The following LRATD1 variants were observed in gnomAD, a reference collection of about 807,000 sequenced individuals.
LRATD1 encodes the protein protein LRATD1.
In LRATD1, 8 loss-of-function variants were observed where a neutral mutation model predicts 21.3. The observed-to-expected ratio is 0.38, with a 90% CI of 0.22 to 0.68. LRATD1 has a LOEUF of 0.68. Among genes scored for constraint, LRATD1 ranks in the 30% least tolerant of loss-of-function variants. The pLI, the probability that LRATD1 is intolerant of heterozygous loss-of-function variation, is 0.54. For synonymous variants in LRATD1, 210 were observed against 186.2 expected (o/e 1.13, Z -1.04); for missense variants, 380 against 404.0 (o/e 0.94, Z 0.51).
Position 14,635,161 on chromosome 2 carries a change from A to G in LRATD1, c.*303A>G, listed in dbSNP as rs1412161775. 1.5e-6 allele frequency: 1 copy of G among 659,646 alleles called. No homozygotes were observed. Among genetic ancestry groups the G allele is most frequent in the South Asian group, 1.5e-5 (1 of 66,214 alleles). The allele number at this position is 659,646 out of a possible 1,614,324, so 40.9% of individuals were successfully genotyped here. ...TTGAGATGTAAACCGGGAACGGGGA[A>G]GGGGCTGAGGGGAGAAAGGACATGG... On this transcript the variant is annotated 3_prime_UTR_variant, in exon 2 of 2. Coordinates refer to ENST00000295092, the MANE Select transcript of LRATD1 (RefSeq NM_145175.4).
At position 14,634,955 on chromosome 2, in the gene LRATD1, C is replaced by G; in HGVS notation, c.*97C>G. Reference sequence around the variant, plus strand: ...GCAGTCAGCGGTTCTCAACCTCTGCCCCGCCCCGCCACGCGCGTCCGCCGC... The same window carrying G: ...GCAGTCAGCGGTTCTCAACCTCTGCGCCGCCCCGCCACGCGCGTCCGCCGC... On this transcript the variant is annotated 3_prime_UTR_variant, in exon 2 of 2. Coordinates refer to ENST00000295092, the MANE Select transcript of LRATD1 (RefSeq NM_145175.4). The G allele has an allele frequency of 1.4e-6, 2 of 1,422,582 alleles. No homozygotes were observed. The highest frequency in any genetic ancestry group is 1.9e-6 in the Non-Finnish European group (2 of 1,061,032). The allele number at this position is 1,422,582 out of a possible 1,614,324, so 88.1% of individuals were successfully genotyped here.
chr2:14,634,941 T>C lies in LRATD1; in HGVS notation c.*83T>C. 6.8e-7 allele frequency: 1 copy of C among 1,475,488 alleles called. No homozygotes were observed. Among genetic ancestry groups the C allele is most frequent in the Non-Finnish European group, 9.1e-7 (1 of 1,099,064 alleles). 91.4% of individuals were successfully genotyped at this position (1,475,488 alleles called of 1,614,324 possible). ...CGCACCCGGACTTCGCAGTCAGCGG[T>C]TCTCAACCTCTGCCCCGCCCCGCCA... On this transcript the variant is annotated 3_prime_UTR_variant, in exon 2 of 2. Transcript: ENST00000295092.
chr2:14,645,349 A>G (rs1671874511), intron 2 of LRATD1, among the ~76,000 whole-genome samples: 1 of 152,226 alleles, frequency 6.6e-6, no homozygotes, highest in Non-Finnish European at 1.5e-5. Context: ...AAGTTTGCCA[A>G]AATATCCAGG....
Position 14,636,034 on chromosome 2 carries a change from T to C in LRATD1, c.*1176T>C. On this transcript the variant is annotated 3_prime_UTR_variant, in exon 2 of 2. Transcript: ENST00000295092. ...TAATAAAATTTCAAATTGAAATTTTTATTTTCATGGCTTTAATCCATGATA... is the reference window on the plus strand; with the variant it reads ...TAATAAAATTTCAAATTGAAATTTTCATTTTCATGGCTTTAATCCATGATA... 4.5e-6 allele frequency: 1 copy of C among 220,684 alleles called. No homozygotes were observed. The highest frequency in any genetic ancestry group is 1.0e-5 in the Non-Finnish European group (1 of 99,142). 13.7% of individuals were successfully genotyped at this position (220,684 alleles called of 1,614,324 possible).
In LRATD1 at chr2:14,633,683, G is replaced by A; in HGVS notation, c.-36-261G>A. ...CCCGCAAGCTCTCCAGCCAGCCTGG[G>A]TGTTTTCTTCTGGGAGTTGGACCGA... On this transcript the variant is annotated intron_variant, in intron 1 of 1. Coordinates refer to ENST00000295092, the MANE Select transcript of LRATD1 (RefSeq NM_145175.4). The surrounding 1 kb of genome is among the most constrained non-coding windows in gnomAD (Gnocchi z 7.5). The A allele has an allele frequency of 2.5e-6, 1 of 399,404 alleles. No homozygotes were observed. The highest frequency in any genetic ancestry group is 4.5e-6 in the Non-Finnish European group (1 of 220,642). The allele number at this position is 399,404 out of a possible 1,614,324, so 24.7% of individuals were successfully genotyped here. A position where few individuals can be genotyped will look rare whatever the true frequency, so the allele number is the denominator to read the frequency against.
chr2:14,638,213 CAAAAAAAAAA>C lies in LRATD1; in HGVS notation c.*3367_*3376del, dbSNP rs879025258. On this transcript the variant is annotated 3_prime_UTR_variant, in exon 2 of 2. Transcript: ENST00000295092. ...ATGCTGTTATTCTCAAAGTACATTC[CAAAAAAAAAA>C]AAAAAAAAAAACTATAGAATTTACG... 5.9e-5 allele frequency: 5 copies of C among 84,998 alleles called. No individual in the cohort carries two copies. The highest frequency in any genetic ancestry group is 1.4e-4 in the Admixed American group (1 of 7,358). The allele number at this position is 84,998 out of a possible 1,614,324, so 5.3% of individuals were successfully genotyped here.
rs987930913 is a variant in LRATD1, at chr2:14,633,020, G to C, written c.-37+83G>C. The C allele has an allele frequency of 6.6e-6, 1 of 152,346 alleles. No homozygotes were observed. Among genetic ancestry groups the C allele is most frequent in the Non-Finnish European group, 1.5e-5 (1 of 68,208 alleles). 9.4% of individuals were successfully genotyped at this position (152,346 alleles called of 1,614,324 possible). Reference sequence around the variant, plus strand: ...GATCCTGTGCTGGGTAGGAGGGAGAGGGGTCTTTGGGCTAAAAGTGAACCT... The same window carrying C: ...GATCCTGTGCTGGGTAGGAGGGAGACGGGTCTTTGGGCTAAAAGTGAACCT... On this transcript the variant is annotated intron_variant, in intron 1 of 1. Coordinates refer to ENST00000295092, the MANE Select transcript of LRATD1 (RefSeq NM_145175.4). The surrounding 1 kb of genome is among the most constrained non-coding windows in gnomAD (Gnocchi z 7.5).
intron 2 of LRATD1, among the ~76,000 whole-genome samples, chr2:14,645,329 A>G (rs897336407): frequency 2.6e-5 from 4 of 152,214 alleles, no homozygotes; most frequent in African/African-American, 9.6e-5. Context: ...GATTATATAC[A>G]AAGATTGATA....
downstream of LRATD1, among the ~76,000 whole-genome samples, chr2:14,644,099 G>GC (rs1238825431): frequency 8.0e-6 from 1 of 125,634 alleles, no homozygotes; most frequent in African/African-American, 3.7e-5. Context: ...ATAAAGGCAA[G>GC]CATTTTTTTT....
chr2:14,645,624 G>C (rs1671880242), intron 2 of LRATD1, among the ~76,000 whole-genome samples: 1 of 152,096 alleles, frequency 6.6e-6, no homozygotes, highest in South Asian at 2.1e-4. Context: ...TTTAATAAGG[G>C]CTGCTTAGAG....
chr2:14,636,831 T>C lies in LRATD1; in HGVS notation c.*1973T>C, dbSNP rs1034772940. 1 of 167,156 alleles carries C rather than the reference T, an allele frequency of 6.0e-6. No individual in the cohort carries two copies. Among genetic ancestry groups the C allele is most frequent in the Non-Finnish European group, 1.5e-5 (1 of 68,124 alleles). The allele number at this position is 167,156 out of a possible 1,614,324, so 10.4% of individuals were successfully genotyped here. A position where few individuals can be genotyped will look rare whatever the true frequency, so the allele number is the denominator to read the frequency against. Reference sequence around the variant, plus strand: ...CTGGAAATGCCTTTTTCATGGTAAATGATTCACTTCTATATTTTTCTTTCT... The same window carrying C: ...CTGGAAATGCCTTTTTCATGGTAAACGATTCACTTCTATATTTTTCTTTCT... On this transcript the variant is annotated 3_prime_UTR_variant, in exon 2 of 2. Transcript: ENST00000295092.
At position 14,633,977 on chromosome 2, in the gene LRATD1, T is replaced by C. The variant is rs2103405766; in HGVS notation, c.-3T>C. 1 of 1,606,882 alleles carries C rather than the reference T, an allele frequency of 6.2e-7. No homozygotes were observed. The highest frequency in any genetic ancestry group is 1.1e-5 in the South Asian group (1 of 90,872). On this transcript the variant is annotated 5_prime_UTR_variant, in exon 2 of 2. Transcript: ENST00000295092. The surrounding 1 kb of genome is among the most constrained non-coding windows in gnomAD (Gnocchi z 7.5). Reference sequence around the variant, plus strand: ...TCCTGGCCCTCGCCTCGCCACCTCATTGATGGGCAACCAACTGGACCGCAT... The same window carrying C: ...TCCTGGCCCTCGCCTCGCCACCTCACTGATGGGCAACCAACTGGACCGCAT...
In LRATD1 at chr2:14,634,939, G is replaced by T; in HGVS notation, c.*81G>T. 4 of 1,484,534 alleles carry T rather than the reference G, an allele frequency of 2.7e-6. 1 individual carries two copies. Among genetic ancestry groups the T allele is most frequent in the Middle Eastern group, 1.8e-4 (1 of 5,682 alleles). The allele number at this position is 1,484,534 out of a possible 1,614,324, so 92.0% of individuals were successfully genotyped here. A position where few individuals can be genotyped will look rare whatever the true frequency, so the allele number is the denominator to read the frequency against. On this transcript the variant is annotated 3_prime_UTR_variant, in exon 2 of 2. Transcript: ENST00000295092. ...CCCGCACCCGGACTTCGCAGTCAGC[G>T]GTTCTCAACCTCTGCCCCGCCCCGC...
At chr2:14,644,313 C>A (rs1020081885), downstream of LRATD1, among the ~76,000 whole-genome samples, 6 of 152,100 alleles carry the variant, frequency 3.9e-5, no homozygotes, top group Non-Finnish European at 7.4e-5. Flanking sequence ...CATTGACTGG[C>A]ATGGCATATT....
chr2:14,633,924 G>A lies in LRATD1; in HGVS notation c.-36-20G>A, dbSNP rs1429435705. ...CAGCCCGGACTCTGACGGTGTCTCTGCCTCTCTGTGCCTCCGCAGATCCCC... is the reference window on the plus strand; with the variant it reads ...CAGCCCGGACTCTGACGGTGTCTCTACCTCTCTGTGCCTCCGCAGATCCCC... On this transcript the variant is annotated intron_variant, in intron 1 of 1. Coordinates refer to ENST00000295092, the MANE Select transcript of LRATD1 (RefSeq NM_145175.4). This position sits in a 1 kb window ranked among gnomAD's most constrained non-coding sequence, Gnocchi z 7.5. The A allele has an allele frequency of 1.3e-6, 2 of 1,562,564 alleles. No individual in the cohort carries two copies. The highest frequency in any genetic ancestry group is 2.7e-5 in the African/African-American group (2 of 74,194).
At position 14,638,960 on chromosome 2, in the gene LRATD1, A is replaced by C. The variant is rs985291604; in HGVS notation, c.*4102A>C. 1.2e-5 allele frequency: 2 copies of C among 166,914 alleles called. No individual in the cohort carries two copies. Among genetic ancestry groups the C allele is most frequent in the Non-Finnish European group, 2.9e-5 (2 of 68,102 alleles). The allele number at this position is 166,914 out of a possible 1,614,324, so 10.3% of individuals were successfully genotyped here. Reference sequence around the variant, plus strand: ...ATTACTAGCTATTGGTATAATATACATATATGTACATGTATACATATACAT... The same window carrying C: ...ATTACTAGCTATTGGTATAATATACCTATATGTACATGTATACATATACAT... On this transcript the variant is annotated 3_prime_UTR_variant, in exon 2 of 2. Coordinates refer to ENST00000295092, the MANE Select transcript of LRATD1 (RefSeq NM_145175.4).
rs1436022344 is a variant in LRATD1 at position 14,638,219 on chromosome 2, A to G, written c.*3361A>G. On this transcript the variant is annotated 3_prime_UTR_variant, in exon 2 of 2. Transcript: ENST00000295092. ...TTATTCTCAAAGTACATTCCAAAAAAAAAAAAAAAAAAAAACTATAGAATT... is the reference window on the plus strand; with the variant it reads ...TTATTCTCAAAGTACATTCCAAAAAGAAAAAAAAAAAAAAACTATAGAATT... 3.1e-5 allele frequency: 5 copies of G among 163,248 alleles called. No homozygotes were observed. The South Asian group carries it at 1.1e-3, about 35-fold the overall frequency. 10.1% of individuals were successfully genotyped at this position (163,248 alleles called of 1,614,324 possible).
chr2:14,651,819 G>A (rs1052997324), downstream of LRATD1, among the ~76,000 whole-genome samples: 5 of 151,638 alleles, frequency 3.3e-5, no homozygotes, highest in Admixed American at 2.6e-4. Flanking sequence ...AAATCTTGTG[G>A]TTTTGTTTAA....
At chr2:14,647,863 T>C (rs1294495110) in intron 4 of LRATD1, among the ~76,000 whole-genome samples, 2 of 152,154 alleles carry the variant, frequency 1.3e-5, no homozygotes, top group East Asian at 3.9e-4. Context: ...ATTCAATGAC[T>C]GCATCTAAGC....
Sources: gnomAD v4.1 joint callset for allele counts (sites outside exome capture counted in the v4.1 genomes callset) on GRCh38, gnomAD v4.1.1 for gene constraint, Gnocchi (gnomAD v3.1) non-coding constraint, MANE v1.5 for transcripts, NCBI Gene and HGNC (gene_info 2026-07-23, HGNC 2026-07-21) for gene names.